CLEC16A: variants seen among roughly 807,000 people sequenced by gnomAD.
CLEC16A encodes the protein C-type lectin domain containing 16A, also known as protein CLEC16A.
A neutral mutation model predicts 109.5 loss-of-function variants in CLEC16A; 51 were observed. That is an observed-to-expected ratio of 0.47 (90% CI 0.37 to 0.59). The LOEUF (loss-of-function observed/expected upper bound fraction) is 0.59. CLEC16A is among the 20% of genes least tolerant of loss of function. CLEC16A has a pLI of 0.00. For missense variants in CLEC16A, 1,339 were observed against 1,394.0 expected (o/e 0.96, Z 0.63); for synonymous variants, 673 against 564.2 (o/e 1.19, Z -2.73).
chr16:11,114,801 C>G (rs7192511), intron 19 of CLEC16A, among the ~76,000 whole-genome samples: 5,622 of 152,194 alleles, frequency 0.037, 394 homozygotes, highest in African/African-American at 0.13. Flanking sequence ...ACCCGCAATT[C>G]CTTGATCTCC....
At chr16:11,119,905 T>A (rs1009692813) in intron 19 of CLEC16A, among the ~76,000 whole-genome samples, 1 of 152,228 alleles carries the variant, frequency 6.6e-6, no homozygotes, top group Non-Finnish European at 1.5e-5. Context: ...TCCATTTGTT[T>A]GTGTCATCTT....
At chr16:11,143,108 G>A (rs946417297) in intron 22 of CLEC16A, among the ~76,000 whole-genome samples, 4 of 152,200 alleles carry the variant, frequency 2.6e-5, no homozygotes, top group Admixed American at 6.5e-5. Flanking sequence ...CACTGTGCCC[G>A]GCCTATCCAG....
At chr16:11,116,829 T>C (rs74009912) in intron 19 of CLEC16A, among the ~76,000 whole-genome samples, 32 of 152,300 alleles carry the variant, frequency 2.1e-4, no homozygotes, top group African/African-American at 7.2e-4. Context: ...ACAGAACCTA[T>C]TGGGGTGATG....
chr16:11,170,083 T>C (rs1183996433), intron 23 of CLEC16A, among the ~76,000 whole-genome samples: 1 of 152,172 alleles, frequency 6.6e-6, no homozygotes, highest in Non-Finnish European at 1.5e-5. Flanking sequence ...GCCAGCAGAA[T>C]ATCCGATGCG....
chr16:10,967,947 G>A (rs2042590866), intron 3 of CLEC16A, among the ~76,000 whole-genome samples: 1 of 152,274 alleles, frequency 6.6e-6, no homozygotes, highest in East Asian at 1.9e-4. Flanking sequence ...CCGTGGCGCA[G>A]GGCCGGGGCC....
rs2041239513 is a variant in CLEC16A, at chr16:10,944,573, C to T, written c.-145C>T. On this transcript the variant is annotated 5_prime_UTR_variant, in exon 1 of 24. Transcript: ENST00000409790. ...GTTCCGGCTGAATGTCAGTGCTGGG[C>T]TGTGGGCCGGGGAGGAAGGCGGCTC... 1 of 770,838 alleles carries T rather than the reference C, an allele frequency of 1.3e-6. No individual in the cohort carries two copies. The highest frequency in any genetic ancestry group is 2.7e-5 in the East Asian group (1 of 36,666). 47.7% of individuals were successfully genotyped at this position (770,838 alleles called of 1,614,324 possible).
chr16:10,991,438 A>G (rs890917716), intron 10 of CLEC16A, among the ~76,000 whole-genome samples: 1 of 151,500 alleles, frequency 6.6e-6, no homozygotes, highest in East Asian at 1.9e-4. Context: ...AAAAAAAAAA[A>G]AAAAAAAAAG....
At chr16:11,122,157 T>C (rs1260784542) in intron 20 of CLEC16A, among the ~76,000 whole-genome samples, 1 of 152,216 alleles carries the variant, frequency 6.6e-6, no homozygotes, top group Non-Finnish European at 1.5e-5. Context: ...TGACCTGCTG[T>C]CTGTGTCCTG....
At chr16:11,013,041 C>A (rs2045533227) in intron 11 of CLEC16A, among the ~76,000 whole-genome samples, 1 of 152,168 alleles carries the variant, frequency 6.6e-6, no homozygotes, top group Non-Finnish European at 1.5e-5. Context: ...CAGACTGCGC[C>A]TGTGTGGACA....
At chr16:10,982,522 A>G (rs866347040) in intron 9 of CLEC16A, among the ~76,000 whole-genome samples, 16 of 152,224 alleles carry the variant, frequency 1.1e-4, no homozygotes, top group Middle Eastern at 3.4e-3. Context: ...ACCAAATTTG[A>G]CACTAAAATG....
chr16:11,039,951 C>G, intron 14 of CLEC16A, 75 bp downstream of exon 14: 1 of 1,541,570 alleles, frequency 6.5e-7, no homozygotes, highest in Admixed American at 2.0e-5. Flanking sequence ...AGCCTGAGCC[C>G]TGGGTGCTAG....
intron 14 of CLEC16A, 127 bp from the exon 15 acceptor site, chr16:11,042,116 TGTCCCCACTGG>T (rs2047369439): frequency 6.4e-6 from 4 of 621,382 alleles, no homozygotes; most frequent in Non-Finnish European, 1.2e-5. Context: ...GTTCCCACTG[TGTCCCCACTGG>T]ATGTTGGGAG....
At chr16:11,012,562 T>G (rs969620666) in intron 11 of CLEC16A, among the ~76,000 whole-genome samples, 1 of 119,170 alleles carries the variant, frequency 8.4e-6, no homozygotes, top group African/African-American at 3.3e-5. Flanking sequence ...GCCACTGCAC[T>G]CCAGCCTGGG....
At chr16:11,067,179 G>GTTTTTTTTT (rs2048812211) in intron 19 of CLEC16A, among the ~76,000 whole-genome samples, 1 of 112,132 alleles carries the variant, frequency 8.9e-6, no homozygotes, top group Non-Finnish European at 1.8e-5. Flanking sequence ...TTTTTTTTTT[G>GTTTTTTTTT]TTTGTTTTTG....
At position 10,954,978 on chromosome 16, in the gene CLEC16A, G is replaced by A. The variant is rs778005781; in HGVS notation, c.81-2804G>A. 3.9e-5 allele frequency among the ~76,000 whole-genome samples: 6 copies of A among 152,206 alleles called. No homozygotes were observed. The highest frequency in any genetic ancestry group is 4.1e-4 in the South Asian group (2 of 4,820). On this transcript the variant is annotated intron_variant, in intron 1 of 23. Transcript: ENST00000409790. The surrounding 1 kb of genome is among the most constrained non-coding windows in gnomAD (Gnocchi z 4.2). ...GTTGAGCCCTTGCTCTGTGCCAGGC[G>A]CTGTGCTTGGCTCTTTCTGTGCATG... is the stretch of plus-strand genomic sequence containing the variant.
chr16:10,994,004 C>G (rs146246378), intron 10 of CLEC16A, among the ~76,000 whole-genome samples: 23 of 152,336 alleles, frequency 1.5e-4, no homozygotes, highest in African/African-American at 4.8e-4. Flanking sequence ...ACCATCTTGA[C>G]GTTACCTGCT....
intron 11 of CLEC16A, among the ~76,000 whole-genome samples, chr16:11,016,354 C>T (rs868467532): frequency 0.019 from 2,722 of 141,658 alleles, 63 homozygotes; most frequent in African/African-American, 0.062. Flanking sequence ...CTTTTTTTTT[C>T]TTTTTTTTTT....
intron 22 of CLEC16A, chr16:11,136,279 A>C (rs545843426): frequency 6.6e-6 from 1 of 152,296 alleles, no homozygotes; most frequent in Non-Finnish European, 1.5e-5. Context: ...ACTGAACTGT[A>C]CTCTTACTAA....
chr16:11,006,993 A>G (rs527926153), intron 11 of CLEC16A, among the ~76,000 whole-genome samples: 1 of 152,340 alleles, frequency 6.6e-6, no homozygotes, highest in Non-Finnish European at 1.5e-5. Context: ...CTGCCCAGGA[A>G]GGCAGACTTC....
Sources: gnomAD v4.1 joint callset for allele counts (sites outside exome capture counted in the v4.1 genomes callset) on GRCh38, gnomAD v4.1.1 for gene constraint, Gnocchi (gnomAD v3.1) non-coding constraint, MANE v1.5 for transcripts, NCBI Gene and HGNC (gene_info 2026-07-23, HGNC 2026-07-21) for gene names.